The following HKDC1 variants were observed in gnomAD, a reference collection of about 807,000 sequenced individuals.
HKDC1 encodes hexokinase HKDC1.
Under a neutral mutation model 96.6 loss-of-function variants are expected in HKDC1, and 66 were observed. The observed-to-expected ratio is 0.68, with a 90% CI of 0.56 to 0.84. The LOEUF (loss-of-function observed/expected upper bound fraction) is 0.84, where lower values mean the gene tolerates loss of function less well. HKDC1 is among the 40% of genes least tolerant of loss of function. HKDC1 has a pLI of 0.00. For missense variants in HKDC1, 1,211 were observed against 1,208.1 expected (o/e 1.00, Z -0.04); for synonymous variants, 466 against 473.1 (o/e 0.98, Z 0.20).
At chr10:69,230,986 C>T (rs978716799) in intron 2 of HKDC1, among the ~76,000 whole-genome samples, 4 of 152,186 alleles carry the variant, frequency 2.6e-5, no homozygotes, top group Admixed American at 1.3e-4. Context: ...TGGGCAAGTC[C>T]TCCCTCTCCC....
rs183157862 is a variant in HKDC1, at chr10:69,230,505, C to G, written c.227-2259C>G. ...AAGGAGGGAGTGAAGGCACCAGCAC[C>G]AGCAGTGACTTACGAGAAGGGAACC... On this transcript the variant is annotated intron_variant, in intron 2 of 17. Transcript: ENST00000354624. 2.6e-3 allele frequency among the ~76,000 whole-genome samples: 398 copies of G among 152,332 alleles called. 2 individuals are homozygous for G. Among genetic ancestry groups the G allele is most frequent in the African/African-American group, 9.2e-3 (383 of 41,574 alleles).
At chr10:69,221,020 G>C (rs910291423) in intron 1 of HKDC1, among the ~76,000 whole-genome samples, 4 of 152,012 alleles carry the variant, frequency 2.6e-5, no homozygotes, top group Non-Finnish European at 2.9e-5. Flanking sequence ...TGTGGTGGCG[G>C]GCACCTGTAA....
intron 16 of HKDC1, chr10:69,261,508 G>C (rs1843810541): frequency 2.0e-6 from 1 of 493,508 alleles, no homozygotes; most frequent in Admixed American, 3.2e-5. Flanking sequence ...ATAAAGTCCT[G>C]CTGTCCCCAT....
intron 7 of HKDC1, among the ~76,000 whole-genome samples, chr10:69,245,407 A>G (rs1843523552): frequency 6.7e-6 from 1 of 150,192 alleles, no homozygotes; most frequent in Non-Finnish European, 1.5e-5. Context: ...CAACATAATT[A>G]GATCCTGTCT....
chr10:69,266,035 C>T lies in HKDC1; in HGVS notation c.2606+217C>T, dbSNP rs987932303. Among the ~76,000 whole-genome samples the T allele has an allele frequency of 3.3e-5, 5 of 152,178 alleles. No homozygotes were observed. In the South Asian group the frequency reaches 6.2e-4, roughly 19 times the overall value. On this transcript the variant is annotated intron_variant, in intron 17 of 17. Transcript: ENST00000354624. The stretch of plus-strand genomic sequence containing the variant: ...GGTAATACGATGTGGGAATGTTAGC[C>T]GGCCTCTCTAAACCCCAGGTTCCTC...
At chr10:69,256,656 C>T (rs891623081) in intron 12 of HKDC1, among the ~76,000 whole-genome samples, 8 of 151,590 alleles carry the variant, frequency 5.3e-5, no homozygotes, top group Middle Eastern at 3.4e-3. Context: ...TGTAGTGAGC[C>T]GAGATCACGC....
chr10:69,247,584 T>C lies in HKDC1; in HGVS notation c.1256T>C (p.Ile419Thr), dbSNP rs768497397. The C allele has an allele frequency of 1.7e-5, 28 of 1,613,760 alleles. No homozygotes were observed. In the Admixed American group the frequency reaches 2.8e-4, roughly 16 times the overall value. The stretch of plus-strand genomic sequence containing the variant: ...GGCATGGACGGCACCCTCTACAAGA[T>C]ACACCCTCAGTGAGTGCTGCCTGCC... ...TVGMDGTLYKIHPQYPKRLHK... is the reference protein window; with the variant it reads ...TVGMDGTLYKTHPQYPKRLHK... Residue 419 changes from isoleucine to threonine, a missense_variant, in exon 9 of 18, where the codon ATA becomes ACA. Physicochemically the swap from Ile to Thr is moderately conservative, Grantham distance 89. Transcript: ENST00000354624.
intron 2 of HKDC1, among the ~76,000 whole-genome samples, chr10:69,230,408 T>C (rs1843236054): frequency 6.6e-6 from 1 of 152,068 alleles, no homozygotes; most frequent in Non-Finnish European, 1.5e-5. Context: ...CCCCTCCCCC[T>C]GGGGACTCTG....
chr10:69,253,743 T>C (rs1206684796), intron 12 of HKDC1, among the ~76,000 whole-genome samples: 1 of 152,110 alleles, frequency 6.6e-6, no homozygotes, highest in Non-Finnish European at 1.5e-5. Context: ...CCAGTGCTGG[T>C]AATGGTGGTG....
intron 17 of HKDC1, among the ~76,000 whole-genome samples, chr10:69,266,212 G>A (rs1408090231): frequency 2.0e-5 from 3 of 152,202 alleles, no homozygotes; most frequent in Admixed American, 2.0e-4. Context: ...GCAGACGGGA[G>A]GATCACTTGA....
At chr10:69,266,036 G>A (rs1022072382) in intron 17 of HKDC1, among the ~76,000 whole-genome samples, 35 of 152,176 alleles carry the variant, frequency 2.3e-4, no homozygotes, top group African/African-American at 7.7e-4. Context: ...AATGTTAGCC[G>A]GCCTCTCTAA....
At chr10:69,239,680 G>C (rs567349025) in intron 5 of HKDC1, among the ~76,000 whole-genome samples, 1 of 152,116 alleles carries the variant, frequency 6.6e-6, no homozygotes, top group Non-Finnish European at 1.5e-5. Context: ...AGGCATGTTT[G>C]CTGCATAGCC....
At chr10:69,257,566 C>G (rs1326009445) in intron 14 of HKDC1, 140 bp downstream of exon 14, 8 of 713,148 alleles carry the variant, frequency 1.1e-5, no homozygotes, top group Non-Finnish European at 1.7e-5. Flanking sequence ...ATTGGGATTC[C>G]AGGTCACCAA....
intron 1 of HKDC1, among the ~76,000 whole-genome samples, chr10:69,225,048 T>A (rs1843130585): frequency 6.6e-6 from 1 of 152,216 alleles, no homozygotes; most frequent in Non-Finnish European, 1.5e-5. Context: ...AAAAGGAAAC[T>A]GTTGCTGAGT....
rs1056958695 is a variant in HKDC1 at position 69,243,283 on chromosome 10, G to A, written c.793G>A (p.Gly265Arg). Residue 265 changes from glycine (G) to arginine (R), a missense_variant, in exon 7 of 18, where the codon GGG (glycine) becomes AGG (arginine). Transcript: ENST00000354624. ...CATCAACACAGAGTGGGGGGCCTTC[G>A]GGGACGACGGGGCCCTGGAGGACAT... ...MCINTEWGAF[G>R]DDGALEDIRT... is the part of the protein sequence containing the mutation. 7.4e-6 allele frequency: 12 copies of A among 1,613,870 alleles called. No homozygotes were observed. Among genetic ancestry groups the A allele is most frequent in the African/African-American group, 1.3e-5 (1 of 74,926 alleles).
At chr10:69,237,149 G>A (rs773212451) in intron 4 of HKDC1, among the ~76,000 whole-genome samples, 2 of 152,128 alleles carry the variant, frequency 1.3e-5, no homozygotes, top group African/African-American at 2.4e-5. Context: ...AAAGAAGGTA[G>A]GAGCGTGAGA....
intron 12 of HKDC1, among the ~76,000 whole-genome samples, chr10:69,254,383 A>G (rs1301572224): frequency 6.6e-6 from 1 of 152,184 alleles, no homozygotes; most frequent in Non-Finnish European, 1.5e-5. Context: ...CACTGTGACT[A>G]TTTTTTAAAT....
intron 4 of HKDC1, among the ~76,000 whole-genome samples, chr10:69,235,608 T>G (rs1240479706): frequency 6.6e-6 from 1 of 151,710 alleles, no homozygotes; most frequent in Non-Finnish European, 1.5e-5. Flanking sequence ...GGTGGTGGAG[T>G]GAGAGTGTGC....
intron 12 of HKDC1, among the ~76,000 whole-genome samples, chr10:69,251,725 G>T (rs1267747143): frequency 2.0e-5 from 3 of 149,660 alleles, no homozygotes; most frequent in Admixed American, 6.6e-5. Context: ...AGTAATTTGT[G>T]CTTTTTGATG....
Sources: allele counts gnomAD v4.1 joint callset (sites outside exome capture counted in the v4.1 genomes callset), GRCh38; gene constraint gnomAD v4.1.1; transcripts MANE v1.5; gene names NCBI Gene and HGNC (gene_info 2026-07-23, HGNC 2026-07-21).